Variants in TMEM63C observed in about 807,000 individuals in gnomAD.
TMEM63C encodes transmembrane protein 63C.
In TMEM63C, 32 loss-of-function variants were observed where a neutral mutation model predicts 99.2. The ratio of observed to expected loss-of-function variants is 0.32; its 90% CI spans 0.24 to 0.43. TMEM63C has a LOEUF of 0.43. Ranked by LOEUF, TMEM63C falls within the 20% of genes least tolerant of loss-of-function variation. The pLI, the probability that TMEM63C is intolerant of heterozygous loss-of-function variation, is 1.00. For synonymous variants in TMEM63C, 376 were observed against 397.9 expected (o/e 0.94, Z 0.66); for missense variants, 826 against 1,053.0 (o/e 0.78, Z 2.98).
intron 16 of TMEM63C, 33 bp downstream of exon 16, chr14:77,244,488 G>A (rs1889235841): frequency 3.2e-6 from 5 of 1,564,782 alleles, no homozygotes; most frequent in Non-Finnish European, 4.4e-6. Context: ...TAGCCCTGTG[G>A]TTTCTCCAGC....
rs1866166547 is a variant in TMEM63C, at chr14:77,239,661, G to A, written c.865G>A (p.Val289Met). 6.2e-7 allele frequency: 1 copy of A among 1,613,184 alleles called. No individual in the cohort carries two copies. Among genetic ancestry groups the A allele is most frequent in the Non-Finnish European group, 8.5e-7 (1 of 1,179,560 alleles). Residue 289 changes from valine to methionine, a missense_variant, in exon 12 of 24, where the codon GTG (valine) becomes ATG (methionine). Coordinates refer to ENST00000298351, the MANE Select transcript of TMEM63C (RefSeq NM_020431.4). ...AGCCAAGGCCAAGAAGACTGGGAAGGTGATGATCAGGATCCACCCCTGTGC... is the reference window on the plus strand; with the variant it reads ...AGCCAAGGCCAAGAAGACTGGGAAGATGATGATCAGGATCCACCCCTGTGC... ...YTAKAKKTGK[V>M]MIRIHPCARL...
At chr14:77,212,477 T>C (rs1262629465) in intron 1 of TMEM63C, among the ~76,000 whole-genome samples, 1 of 152,228 alleles carries the variant, frequency 6.6e-6, no homozygotes, top group Non-Finnish European at 1.5e-5. Flanking sequence ...TGTTTTCTGT[T>C]GACATCCTAG....
Position 77,242,361 on chromosome 14 carries a change from A to T in TMEM63C, c.1079A>T (p.Tyr360Phe). Reference protein sequence around the residue: ...SRMAKRVRKDYKYVQCGVQPQ... With the variant: ...SRMAKRVRKDFKYVQCGVQPQ... ...CCTCTCTGCAGTGTCCGTAAGGATTACAAGTATGTCCAGTGTGGTGTGCAA... is the reference window on the plus strand; with the variant it reads ...CCTCTCTGCAGTGTCCGTAAGGATTTCAAGTATGTCCAGTGTGGTGTGCAA... Residue 360 changes from tyrosine (Y) to phenylalanine (F), a missense_variant, in exon 14 of 24, where the codon TAC (tyrosine) becomes TTC (phenylalanine). Transcript: ENST00000298351. The T allele has an allele frequency of 6.2e-7, 1 of 1,611,964 alleles. No individual in the cohort carries two copies.
At chr14:77,236,828 TC>T in intron 9 of TMEM63C, 96 bp downstream of exon 9, 1 of 845,112 alleles carries the variant, frequency 1.2e-6, no homozygotes, top group Non-Finnish European at 2.0e-6. Flanking sequence ...CCTCAGAGGG[TC>T]CAGGGAGACT....
intron 18 of TMEM63C, 33 bp downstream of exon 18, chr14:77,246,707 G>GTGTGTGCACATATAACCACTCC: frequency 6.3e-7 from 1 of 1,578,576 alleles, no homozygotes; most frequent in Non-Finnish European, 8.7e-7. Flanking sequence ...CAGGGCTGCT[G>GTGTGTGCACATATAACCACTCC]TGTGTGCACA....
chr14:77,215,407 C>T (rs1400941267), intron 2 of TMEM63C, among the ~76,000 whole-genome samples: 1 of 151,802 alleles, frequency 6.6e-6, no homozygotes, highest in African/African-American at 2.4e-5. Flanking sequence ...TTGAGACCAG[C>T]CTGGCCAACA....
At position 77,222,735 on chromosome 14, in the gene TMEM63C, C is replaced by G. The variant is rs567219254; in HGVS notation, c.312+2648C>G. On this transcript the variant is annotated intron_variant, in intron 5 of 23. Coordinates refer to ENST00000298351, the MANE Select transcript of TMEM63C (RefSeq NM_020431.4). ...CGCAGTGGCCCTTCTCTGAGTCACT[C>G]ACCTTTTGTTGAGATTTCAGCTTAA... is the stretch of plus-strand genomic sequence containing the variant. Among the ~76,000 whole-genome samples, 7 of 152,346 alleles carry G rather than the reference C, an allele frequency of 4.6e-5. No homozygotes were observed. In the East Asian group the frequency reaches 1.4e-3, roughly 29 times the overall value.
At position 77,257,185 on chromosome 14, in the gene TMEM63C, TGAG is replaced by T. The variant is rs1237362446; in HGVS notation, c.*464_*466del. 1 of 168,206 alleles carries T rather than the reference TGAG, an allele frequency of 5.9e-6. No individual in the cohort carries two copies. Among genetic ancestry groups the T allele is most frequent in the African/African-American group, 2.4e-5 (1 of 41,862 alleles). The allele number at this position is 168,206 out of a possible 1,614,324, so 10.4% of individuals were successfully genotyped here. A position where few individuals can be genotyped will look rare whatever the true frequency, so the allele number is the denominator to read the frequency against. ...CCCGGCCCATTCCTCCCCTGCAGTC[TGAG>T]GAGGCAAAGGTATGTGCACGGGGCA... On this transcript the variant is annotated 3_prime_UTR_variant, in exon 24 of 24. Transcript: ENST00000298351.
At chr14:77,230,156 C>T (rs1888910283) in intron 6 of TMEM63C, among the ~76,000 whole-genome samples, 1 of 151,374 alleles carries the variant, frequency 6.6e-6, no homozygotes, top group African/African-American at 2.4e-5. Context: ...GAGCCAAGAT[C>T]GTGCCACTGC....
chr14:77,249,003 C>A, intron 20 of TMEM63C, 131 bp downstream of exon 20: 1 of 914,736 alleles, frequency 1.1e-6, no homozygotes, highest in Non-Finnish European at 1.8e-6. Flanking sequence ...GGGCCAGGGC[C>A]AAGCTGGGGG....
At chr14:77,242,538 C>T in intron 14 of TMEM63C, 69 bp downstream of exon 14, 1 of 1,570,914 alleles carries the variant, frequency 6.4e-7, no homozygotes, top group Non-Finnish European at 8.7e-7. Flanking sequence ...CAGGACAGGG[C>T]CTTCTCTCCC....
chr14:77,212,341 G>A (rs1348312799), intron 1 of TMEM63C: 1 of 152,210 alleles, frequency 6.6e-6, no homozygotes, highest in Non-Finnish European at 1.5e-5. Flanking sequence ...TCCAGTCAGT[G>A]GCTTCAGAGA....
intron 1 of TMEM63C, among the ~76,000 whole-genome samples, chr14:77,191,538 C>CTTTTT (rs71125542): frequency 8.1e-4 from 67 of 82,586 alleles, no homozygotes; most frequent in African/African-American, 2.0e-3. Context: ...TTTTCTTTTT[C>CTTTTT]TTTTTTTTTT....
chr14:77,243,152 T>G (rs1889210155), intron 15 of TMEM63C, 96 bp downstream of exon 15: 3 of 1,414,864 alleles, frequency 2.1e-6, no homozygotes, highest in African/African-American at 1.4e-5. Context: ...GGGAGGGGGC[T>G]GTGGAGCCCA....
Position 77,198,745 on chromosome 14 carries a change from A to G in TMEM63C, c.-76-14701A>G, listed in dbSNP as rs76836009. The stretch of plus-strand genomic sequence containing the variant: ...ACAGTTCAAATGTTTCCTGGCAAGG[A>G]TGGGAAGTGCAGGAGGGAAGCAGCG... On this transcript the variant is annotated intron_variant, in intron 1 of 23. Transcript: ENST00000298351. Among the ~76,000 whole-genome samples, 648 of 152,264 alleles carry G rather than the reference A, an allele frequency of 4.3e-3. 37 individuals are homozygous for G. In the East Asian group the frequency reaches 0.096, roughly 23 times the overall value.
intron 6 of TMEM63C, among the ~76,000 whole-genome samples, chr14:77,227,930 T>G (rs1017174169): frequency 1.1e-4 from 17 of 152,024 alleles, no homozygotes; most frequent in African/African-American, 4.1e-4. Context: ...AGGGAACAGA[T>G]CAGAGAGTGG....
intron 9 of TMEM63C, among the ~76,000 whole-genome samples, chr14:77,238,489 C>T (rs188528438): frequency 1.2e-4 from 18 of 152,314 alleles, no homozygotes; most frequent in East Asian, 5.8e-4. Flanking sequence ...TCAGCTGGGA[C>T]GCTGTGGGCT....
At chr14:77,185,807 C>T (rs903996345) in intron 1 of TMEM63C, among the ~76,000 whole-genome samples, 2 of 152,194 alleles carry the variant, frequency 1.3e-5, no homozygotes, top group Non-Finnish European at 2.9e-5. Context: ...TACCTGCTCA[C>T]TTCACTTCCG....
Position 77,218,927 on chromosome 14 carries a change from C to T in TMEM63C, c.114C>T (p.Val38=). The T allele has an allele frequency of 1.2e-6, 2 of 1,606,854 alleles. No homozygotes were observed. The highest frequency in any genetic ancestry group is 2.2e-5 in the East Asian group (1 of 44,676). The change falls in exon 3 of 24, where the codon GTC becomes GTT. Residue 38 remains valine (V), a synonymous_variant. Transcript: ENST00000298351. ...TCCAGGGGCAGCCCTTTGGGGGTGT[C>T]CCCACCGTGCTGTGCCTCAACATCG... is the stretch of plus-strand genomic sequence containing the variant. The part of the protein sequence containing the change: ...TVLQGQPFGG[V]PTVLCLNIAL...
Sources: gnomAD v4.1 joint callset for allele counts (sites outside exome capture counted in the v4.1 genomes callset) on GRCh38, gnomAD v4.1.1 for gene constraint, MANE v1.5 for transcripts, NCBI Gene and HGNC (gene_info 2026-07-23, HGNC 2026-07-21) for gene names.